Variants in SLC4A10 observed in about 807,000 individuals in gnomAD.
SLC4A10 encodes the protein solute carrier family 4 member 10.
In SLC4A10, 42 loss-of-function variants were observed where a neutral mutation model predicts 137.7. That is an observed-to-expected ratio of 0.30 (90% CI 0.24 to 0.39). The LOEUF (loss-of-function observed/expected upper bound fraction) is 0.39, where lower values mean the gene tolerates loss of function less well. Ranked by LOEUF, SLC4A10 falls within the 10% of genes least tolerant of loss-of-function variation. The pLI is 1.00. For missense variants in SLC4A10, 925 were observed against 1,355.0 expected (o/e 0.68, Z 4.98); for synonymous variants, 474 against 464.1 (o/e 1.02, Z -0.27).
intron 21 of SLC4A10, among the ~76,000 whole-genome samples, chr2:161,963,797 G>A (rs924560268): frequency 6.6e-6 from 1 of 152,166 alleles, no homozygotes; most frequent in African/African-American, 2.4e-5. Flanking sequence ...GGAAGAGATT[G>A]TGTTGTGACA....
At chr2:161,627,587 A>C (rs1573960582) in intron 1 of SLC4A10, among the ~76,000 whole-genome samples, 1 of 152,128 alleles carries the variant, frequency 6.6e-6, no homozygotes, top group Non-Finnish European at 1.5e-5. Flanking sequence ...TATAAAGTAC[A>C]TTTGAAGGAT....
At chr2:161,837,437 A>T (rs2058887904) in intron 3 of SLC4A10, among the ~76,000 whole-genome samples, 1 of 152,210 alleles carries the variant, frequency 6.6e-6, no homozygotes. Flanking sequence ...ATATTTTGAA[A>T]TGAAAGAAGA....
chr2:161,804,846 C>T (rs2055759976), intron 3 of SLC4A10, among the ~76,000 whole-genome samples: 2 of 152,080 alleles, frequency 1.3e-5, no homozygotes, highest in Non-Finnish European at 2.9e-5. Context: ...CTCAAAAACT[C>T]TTGATAATTT....
At chr2:161,732,859 G>T (rs1159744801) in intron 1 of SLC4A10, among the ~76,000 whole-genome samples, 2 of 152,156 alleles carry the variant, frequency 1.3e-5, no homozygotes, top group East Asian at 3.8e-4. Context: ...CTGGAGCAAA[G>T]GTGACTCTTT....
At chr2:161,680,738 A>C (rs2040763835) in intron 1 of SLC4A10, among the ~76,000 whole-genome samples, 1 of 152,162 alleles carries the variant, frequency 6.6e-6, no homozygotes, top group Non-Finnish European at 1.5e-5. Flanking sequence ...GTATATATTA[A>C]TGGTATACAA....
chr2:161,847,290 C>G (rs183448814), intron 4 of SLC4A10, among the ~76,000 whole-genome samples: 89 of 151,438 alleles, frequency 5.9e-4, no homozygotes, highest in Middle Eastern at 3.4e-3. Context: ...CACACATACA[C>G]ACACACACAC....
chr2:161,971,638 G>T (rs920584807), intron 23 of SLC4A10, among the ~76,000 whole-genome samples: 3 of 152,300 alleles, frequency 2.0e-5, no homozygotes, highest in Admixed American at 1.3e-4. Context: ...TGTCGTGACG[G>T]CTACTGCCTG....
chr2:161,724,203 C>G (rs1194256160), intron 1 of SLC4A10, among the ~76,000 whole-genome samples: 3 of 152,166 alleles, frequency 2.0e-5, no homozygotes, highest in African/African-American at 7.2e-5. Context: ...CATCCAAAAA[C>G]CAATTCACTC....
At chr2:161,802,722 C>A (rs1196129956) in intron 2 of SLC4A10, among the ~76,000 whole-genome samples, 2 of 152,108 alleles carry the variant, frequency 1.3e-5, no homozygotes, top group Admixed American at 1.3e-4. Flanking sequence ...CCAGGTGGGT[C>A]TCATTCTGAA....
intron 3 of SLC4A10, among the ~76,000 whole-genome samples, chr2:161,827,594 C>A (rs1170310065): frequency 6.6e-6 from 1 of 150,884 alleles, no homozygotes; most frequent in East Asian, 1.9e-4. Context: ...GACGGAGTCT[C>A]GCTCTGTCAA....
intron 1 of SLC4A10, among the ~76,000 whole-genome samples, chr2:161,764,146 C>T (rs1395274252): frequency 2.6e-5 from 4 of 152,098 alleles, no homozygotes; most frequent in Non-Finnish European, 5.9e-5. Context: ...AATTATGGCG[C>T]ATCCATACCA....
At chr2:161,949,649 A>G (rs910092878) in intron 18 of SLC4A10, among the ~76,000 whole-genome samples, 1 of 152,058 alleles carries the variant, frequency 6.6e-6, no homozygotes, top group Non-Finnish European at 1.5e-5. Context: ...TGACCGTGTT[A>G]CTAATGGGGT....
chr2:161,770,687 A>G (rs542189908), intron 1 of SLC4A10, among the ~76,000 whole-genome samples: 9 of 152,074 alleles, frequency 5.9e-5, no homozygotes, highest in South Asian at 4.1e-4. Context: ...TTGATAGAAT[A>G]ACTATTTTTT....
chr2:161,763,222 T>C (rs894849520), intron 1 of SLC4A10, among the ~76,000 whole-genome samples: 1 of 152,112 alleles, frequency 6.6e-6, no homozygotes, highest in Non-Finnish European at 1.5e-5. Flanking sequence ...GCAATATTTT[T>C]TTGAAAGATG....
At chr2:161,831,383 A>G (rs943607107) in intron 3 of SLC4A10, among the ~76,000 whole-genome samples, 6 of 152,144 alleles carry the variant, frequency 3.9e-5, no homozygotes, top group African/African-American at 1.4e-4. Flanking sequence ...TTGTGTTTTA[A>G]AAAGTTTAAA....
rs574171114 is a variant in SLC4A10 at position 161,671,919 on chromosome 2, G to A, written c.48+47353G>A. On this transcript the variant is annotated intron_variant, in intron 1 of 26. Transcript: ENST00000446997. The stretch of plus-strand genomic sequence containing the variant: ...AAAACAGGTTCTTAAAGAGTGGGAA[G>A]ATAATGTGTTTTGGTGATGAGAGGA... Among the ~76,000 whole-genome samples, 3 of 152,282 alleles carry A rather than the reference G, an allele frequency of 2.0e-5. No homozygotes were observed. The South Asian group carries it at 6.2e-4, about 32-fold the overall frequency.
intron 1 of SLC4A10, among the ~76,000 whole-genome samples, chr2:161,739,991 T>A (rs192262403): frequency 5.2e-4 from 79 of 152,284 alleles, no homozygotes; most frequent in African/African-American, 1.9e-3. Flanking sequence ...GTTCCCAGCA[T>A]CCTCTTGCCT....
intron 1 of SLC4A10, among the ~76,000 whole-genome samples, chr2:161,700,478 C>T (rs2043011373): frequency 6.6e-6 from 1 of 152,048 alleles, no homozygotes; most frequent in Non-Finnish European, 1.5e-5. Context: ...ACTTTATCTC[C>T]TACATTTAGC....
chr2:161,708,683 T>G, intron 1 of SLC4A10: 1 of 1,505,110 alleles, frequency 6.6e-7, no homozygotes, highest in Non-Finnish European at 8.8e-7. Context: ...GTTTGATATT[T>G]TTTTCACTAG....
Sources: gnomAD v4.1 joint callset for allele counts (sites outside exome capture counted in the v4.1 genomes callset) on GRCh38, gnomAD v4.1.1 for gene constraint, MANE v1.5 for transcripts, NCBI Gene and HGNC (gene_info 2026-07-23, HGNC 2026-07-21) for gene names.